The following ATL2 variants were observed in gnomAD, a reference collection of about 807,000 sequenced individuals.
ATL2 encodes the protein atlastin-2.
ATL2 carries 31 observed loss-of-function variants against 73.9 expected under a neutral mutation model. The observed-to-expected ratio is 0.42, with a 90% CI of 0.32 to 0.57. The LOEUF (loss-of-function observed/expected upper bound fraction) is 0.57. ATL2 is among the 20% of genes least tolerant of loss of function. The pLI is 0.14. For synonymous variants in ATL2, 291 were observed against 237.5 expected (o/e 1.23, Z -2.07); for missense variants, 738 against 702.6 (o/e 1.05, Z -0.57).
chr2:38,355,899 T>C (rs1326315455), intron 1 of ATL2, among the ~76,000 whole-genome samples: 9 of 151,954 alleles, frequency 5.9e-5, no homozygotes, highest in African/African-American at 2.2e-4. Flanking sequence ...TTCACCATTT[T>C]GGCCAGGCTG....
intron 1 of ATL2, among the ~76,000 whole-genome samples, chr2:38,375,779 T>A (rs556559066): frequency 6.6e-6 from 1 of 152,316 alleles, no homozygotes; most frequent in African/African-American, 2.4e-5. Context: ...CGAAGCTGCT[T>A]CTTTGGTAGT....
intron 9 of ATL2, 58 bp downstream of exon 9, chr2:38,309,321 T>A: frequency 6.7e-7 from 1 of 1,495,240 alleles, no homozygotes; most frequent in Admixed American, 2.3e-5. Context: ...TACATACAGA[T>A]GAGTTTTAAG....
intron 1 of ATL2, among the ~76,000 whole-genome samples, chr2:38,371,953 C>T (rs1338949966): frequency 6.6e-6 from 1 of 151,984 alleles, no homozygotes; most frequent in African/African-American, 2.4e-5. Flanking sequence ...AAATCCAAGC[C>T]TCCATTCTAA....
intron 2 of ATL2, among the ~76,000 whole-genome samples, chr2:38,328,869 A>C (rs1395652153): frequency 1.3e-5 from 2 of 152,046 alleles, no homozygotes; most frequent in Non-Finnish European, 2.9e-5. Flanking sequence ...AACAGAAAAA[A>C]CAAATCAGTG....
At chr2:38,334,566 T>G (rs1669193561) in intron 2 of ATL2, among the ~76,000 whole-genome samples, 2 of 151,016 alleles carry the variant, frequency 1.3e-5, no homozygotes, top group Non-Finnish European at 2.9e-5. Flanking sequence ...GGCGTAGTGG[T>G]GCATGCCTGT....
At chr2:38,330,351 C>G (rs1668916216) in intron 2 of ATL2, among the ~76,000 whole-genome samples, 1 of 151,764 alleles carries the variant, frequency 6.6e-6, no homozygotes, top group Non-Finnish European at 1.5e-5. Flanking sequence ...AGAAAACAGA[C>G]AAGGATATTC....
chr2:38,297,478 A>C (rs1666957204), intron 12 of ATL2, among the ~76,000 whole-genome samples: 1 of 152,172 alleles, frequency 6.6e-6, no homozygotes, highest in South Asian at 2.1e-4. Flanking sequence ...CAGATACACA[A>C]AATGGCTTTC....
chr2:38,297,407 C>T (rs1402699496), intron 12 of ATL2, among the ~76,000 whole-genome samples: 3 of 152,134 alleles, frequency 2.0e-5, no homozygotes, highest in African/African-American at 7.2e-5. Context: ...TCAAGTATTT[C>T]ACGAAGATCA....
At chr2:38,333,130 A>G (rs1322819551) in intron 2 of ATL2, among the ~76,000 whole-genome samples, 1 of 152,186 alleles carries the variant, frequency 6.6e-6, no homozygotes, top group Non-Finnish European at 1.5e-5. Flanking sequence ...TGGGAAGCCA[A>G]AACAGGAGGA....
chr2:38,362,909 A>C (rs2124473288), intron 1 of ATL2, among the ~76,000 whole-genome samples: 1 of 152,338 alleles, frequency 6.6e-6, no homozygotes, highest in Non-Finnish European at 1.5e-5. Flanking sequence ...TTGAGCAAAG[A>C]ACTGAAAGAC....
chr2:38,314,481 G>T (rs546436896), intron 6 of ATL2, 127 bp downstream of exon 6: 10 of 610,620 alleles, frequency 1.6e-5, no homozygotes, highest in Middle Eastern at 3.1e-4. Flanking sequence ...GGTTAGTTTC[G>T]ATTGCACTGA....
chr2:38,320,142 AC>A (rs1573471739), intron 2 of ATL2, among the ~76,000 whole-genome samples: 1 of 152,290 alleles, frequency 6.6e-6, no homozygotes, highest in East Asian at 1.9e-4. Flanking sequence ...TTAAAAAATA[AC>A]CCCAAGACTT....
chr2:38,318,241 G>A (rs976818333), intron 4 of ATL2: 1 of 223,888 alleles, frequency 4.5e-6, no homozygotes, highest in Non-Finnish European at 8.7e-6. Context: ...ACTTGGGGAG[G>A]CCGAGGTGGG....
At chr2:38,311,381 C>CAGTCTCCTAAACACTCTTCTGGA (rs36075277) in intron 7 of ATL2, among the ~76,000 whole-genome samples, 49,974 of 151,442 alleles carry the variant, frequency 0.33, 8,489 homozygotes, top group South Asian at 0.47. Context: ...ATAACTCACA[C>CAGTCTCCTAAACACTCTTCTGGA]AGTCTCCTAA....
intron 4 of ATL2, among the ~76,000 whole-genome samples, chr2:38,315,892 G>A (rs764519911): frequency 6.6e-6 from 1 of 152,126 alleles, no homozygotes; most frequent in Non-Finnish European, 1.5e-5. Context: ...AATTTTACTG[G>A]CCTGTGGAAG....
At chr2:38,337,484 T>C (rs1306248641) in intron 2 of ATL2, among the ~76,000 whole-genome samples, 2 of 23,134 alleles carry the variant, frequency 8.6e-5, no homozygotes, top group Non-Finnish European at 1.6e-4. Context: ...AGACTCTGTC[T>C]CCAAAAAAAA....
intron 2 of ATL2, among the ~76,000 whole-genome samples, chr2:38,340,091 G>A (rs900862863): frequency 7.0e-6 from 1 of 142,272 alleles, no homozygotes; most frequent in Non-Finnish European, 1.5e-5. Flanking sequence ...TAATACCTAT[G>A]GTATGATTTC....
intron 9 of ATL2, among the ~76,000 whole-genome samples, chr2:38,308,155 C>T (rs796729433): frequency 4.6e-5 from 7 of 152,322 alleles, no homozygotes; most frequent in African/African-American, 1.4e-4. Context: ...TCTGCACTTT[C>T]ATGTTTACTG....
chr2:38,350,648 C>G lies in ATL2; in HGVS notation c.119-7136G>C, dbSNP rs138689912. Among the ~76,000 whole-genome samples, 185 of 152,150 alleles carry G rather than the reference C, an allele frequency of 1.2e-3. 2 individuals carry two copies. Among genetic ancestry groups the G allele is most frequent in the African/African-American group, 4.3e-3 (179 of 41,522 alleles). On this transcript the variant is annotated intron_variant, in intron 1 of 12. Coordinates refer to ENST00000378954, the MANE Select transcript of ATL2 (RefSeq NM_001135673.4). The stretch of plus-strand genomic sequence containing the variant: ...GTTAGTGAAGGTTCATTGATTTTAA[C>G]AAAAGCACCACTGTGGGTGAAACGC...
Sources: allele counts gnomAD v4.1 joint callset (sites outside exome capture counted in the v4.1 genomes callset), GRCh38; gene constraint gnomAD v4.1.1; transcripts MANE v1.5; gene names NCBI Gene and HGNC (gene_info 2026-07-23, HGNC 2026-07-21).